Variants in PARM1 observed in about 807,000 individuals in gnomAD.
PARM1 encodes WSC4, cell wall integrity and stress response component 4 homolog.
A neutral mutation model predicts 24.6 loss-of-function variants in PARM1; 14 were observed. The observed-to-expected ratio is 0.57, with a 90% CI of 0.38 to 0.89. The LOEUF is 0.89. Among genes scored for constraint, PARM1 ranks in the 40% least tolerant of loss-of-function variants. The pLI is 0.00. For synonymous variants in PARM1, 179 were observed against 156.6 expected, an observed-to-expected ratio of 1.14 and a Z score of -1.07; for missense variants, 362 against 380.4, an observed-to-expected ratio of 0.95 and a Z score of 0.40.
intron 2 of PARM1, among the ~76,000 whole-genome samples, chr4:75,018,424 T>C (rs1386455036): frequency 6.6e-6 from 1 of 152,212 alleles, no homozygotes; most frequent in Non-Finnish European, 1.5e-5. Flanking sequence ...GGAATATGTA[T>C]GTCAAGTTGC....
chr4:74,962,612 G>A (rs185876380), intron 1 of PARM1, among the ~76,000 whole-genome samples: 47 of 152,290 alleles, frequency 3.1e-4, no homozygotes, highest in African/African-American at 1.1e-3. Context: ...ATGGAAAAAA[G>A]TATGCCATGC....
intron 1 of PARM1, among the ~76,000 whole-genome samples, chr4:74,991,582 G>A (rs369529093): frequency 2.6e-5 from 4 of 152,120 alleles, no homozygotes; most frequent in East Asian, 1.9e-4. Flanking sequence ...ACTGATGAGC[G>A]CATACTTATG....
chr4:74,946,439 G>A (rs1028704720), intron 1 of PARM1, among the ~76,000 whole-genome samples: 1 of 152,108 alleles, frequency 6.6e-6, no homozygotes, highest in Non-Finnish European at 1.5e-5. Context: ...TGCCAGTCTT[G>A]GGACTTATTT....
chr4:75,046,118 G>A (rs780770708), intron 3 of PARM1, 45 bp from the exon 4 acceptor site: 1 of 1,347,630 alleles, frequency 7.4e-7, no homozygotes, highest in Non-Finnish European at 1.1e-6. Flanking sequence ...CCTCAGATGG[G>A]CAACTTTTCC....
intron 1 of PARM1, among the ~76,000 whole-genome samples, chr4:74,964,889 G>A (rs536307531): frequency 1.2e-4 from 19 of 152,252 alleles, no homozygotes; most frequent in Admixed American, 3.3e-4. Context: ...AGAAATCTAG[G>A]TTAGTTTCTA....
intron 1 of PARM1, among the ~76,000 whole-genome samples, chr4:74,959,090 C>T (rs1031828015): frequency 1.3e-5 from 2 of 152,040 alleles, no homozygotes; most frequent in Admixed American, 1.3e-4. Flanking sequence ...ACTGAGCATT[C>T]GAAATATGGC....
intron 2 of PARM1, among the ~76,000 whole-genome samples, chr4:75,024,603 A>G (rs551373055): frequency 1.3e-5 from 2 of 152,360 alleles, no homozygotes; most frequent in Non-Finnish European, 2.9e-5. Flanking sequence ...GGTGAACCCC[A>G]CAAGGATCTG....
chr4:75,027,229 C>A (rs922054661), intron 2 of PARM1, among the ~76,000 whole-genome samples: 3 of 152,134 alleles, frequency 2.0e-5, no homozygotes, highest in Non-Finnish European at 4.4e-5. Flanking sequence ...CGGGGCCTGA[C>A]ACTTGTCTCC....
At chr4:75,007,474 T>C (rs1722793504) in intron 1 of PARM1, among the ~76,000 whole-genome samples, 1 of 152,088 alleles carries the variant, frequency 6.6e-6, no homozygotes, top group South Asian at 2.1e-4. Flanking sequence ...GTAGACACTG[T>C]CCAATTCTTC....
rs1325016345 is a variant in PARM1, at chr4:75,012,820, A to G, written c.439A>G (p.Thr147Ala). ...TLSQSAAEPP[T>A]LISPQAPASS... ...GTCGCAGTCCGCTGCTGAGCCTCCC[A>G]CACTCATCTCCCCTCAAGCTCCAGC... is the stretch of plus-strand genomic sequence containing the variant. Residue 147 changes from threonine (T) to alanine (A), a missense_variant, in exon 2 of 4, where the codon ACA becomes GCA. Thr to Ala is a moderately conservative substitution (Grantham distance 58, BLOSUM62 0). Coordinates refer to ENST00000307428, the MANE Select transcript of PARM1 (RefSeq NM_015393.4). 1 of 1,613,758 alleles carries G rather than the reference A, an allele frequency of 6.2e-7. No individual in the cohort carries two copies. The highest frequency in any genetic ancestry group is 8.5e-7 in the Non-Finnish European group (1 of 1,179,862).
chr4:75,031,527 TAAAA>T (rs58506227), intron 2 of PARM1, among the ~76,000 whole-genome samples: 1 of 134,756 alleles, frequency 7.4e-6, no homozygotes, highest in East Asian at 2.1e-4. Context: ...TCACTTACAA[TAAAA>T]AAAAAAAAAG....
At chr4:75,043,412 AT>A (rs572708815) in intron 3 of PARM1, among the ~76,000 whole-genome samples, 1 of 152,038 alleles carries the variant, frequency 6.6e-6, no homozygotes, top group Admixed American at 6.5e-5. Context: ...CCATAAAGCA[AT>A]TTTTTTTAAA....
chr4:75,004,246 C>G (rs1722731929), intron 1 of PARM1, among the ~76,000 whole-genome samples: 1 of 152,198 alleles, frequency 6.6e-6, no homozygotes, highest in Non-Finnish European at 1.5e-5. Context: ...ATTTATTGAG[C>G]ACTTTCTCTG....
intron 2 of PARM1, among the ~76,000 whole-genome samples, chr4:75,032,647 G>A (rs1341006086): frequency 6.6e-6 from 1 of 152,074 alleles, no homozygotes; most frequent in East Asian, 1.9e-4. Context: ...TTAAAATCAT[G>A]CAAGATGGAT....
intron 1 of PARM1, among the ~76,000 whole-genome samples, chr4:75,000,294 C>A (rs1408471193): frequency 1.3e-5 from 2 of 152,114 alleles, no homozygotes; most frequent in Non-Finnish European, 2.9e-5. Flanking sequence ...CTTTACGTGG[C>A]CTATCATTTA....
chr4:74,958,052 G>T (rs547254986), intron 1 of PARM1, among the ~76,000 whole-genome samples: 49 of 152,246 alleles, frequency 3.2e-4, no homozygotes, highest in African/African-American at 1.1e-3. Flanking sequence ...ACTTATCTCA[G>T]AAATAATGAT....
At chr4:74,952,405 G>A (rs1015045932) in intron 1 of PARM1, among the ~76,000 whole-genome samples, 1 of 152,174 alleles carries the variant, frequency 6.6e-6, no homozygotes, top group Non-Finnish European at 1.5e-5. Flanking sequence ...TCACTCTGAT[G>A]ATAGTTTCTT....
chr4:74,963,810 T>C (rs919637232), intron 1 of PARM1, among the ~76,000 whole-genome samples: 1 of 152,198 alleles, frequency 6.6e-6, no homozygotes, highest in African/African-American at 2.4e-5. Context: ...GCAAATTTTG[T>C]AATATGTTTA....
At chr4:75,021,159 C>T (rs746689111) in intron 2 of PARM1, among the ~76,000 whole-genome samples, 1 of 152,192 alleles carries the variant, frequency 6.6e-6, no homozygotes, top group Non-Finnish European at 1.5e-5. Context: ...CAATATCAAT[C>T]TTTAGACAAT....
Sources: allele counts gnomAD v4.1 joint callset (sites outside exome capture counted in the v4.1 genomes callset), GRCh38; gene constraint gnomAD v4.1.1; transcripts MANE v1.5; gene names NCBI Gene and HGNC (gene_info 2026-07-23, HGNC 2026-07-21).